Variants in SUFU observed in about 807,000 individuals in gnomAD.
The protein encoded by SUFU is SUFU negative regulator of hedgehog signaling.
Under a neutral mutation model 58.9 loss-of-function variants are expected in SUFU, and 7 were observed. The observed-to-expected ratio is 0.12, with a 90% CI of 0.07 to 0.22. SUFU has a LOEUF of 0.22. Among genes scored for constraint, SUFU ranks in the 10% least tolerant of loss-of-function variants. The pLI is 1.00. For synonymous variants in SUFU, 232 were observed against 254.8 expected (o/e 0.91, Z 0.85); for missense variants, 451 against 641.3 (o/e 0.70, Z 3.20).
intron 2 of SUFU, among the ~76,000 whole-genome samples, chr10:102,516,123 T>C (rs976331728): frequency 4.9e-5 from 4 of 81,234 alleles, no homozygotes; most frequent in Non-Finnish European, 9.7e-5. Context: ...TTTCTTTCTT[T>C]TCTTTTTTTT....
At chr10:102,545,182 C>T (rs1466882911) in intron 2 of SUFU, among the ~76,000 whole-genome samples, 1 of 151,750 alleles carries the variant, frequency 6.6e-6, no homozygotes, top group Non-Finnish European at 1.5e-5. Flanking sequence ...CATCAAGGCT[C>T]ACTGCTGCCT....
At chr10:102,566,990 G>GA (rs1237994267) in intron 3 of SUFU, among the ~76,000 whole-genome samples, 7 of 123,050 alleles carry the variant, frequency 5.7e-5, no homozygotes, top group Non-Finnish European at 8.5e-5. Flanking sequence ...CATTGCAAAA[G>GA]AAAAGGAAAC....
chr10:102,604,073 G>T (rs1411007926), intron 8 of SUFU, among the ~76,000 whole-genome samples: 1 of 152,214 alleles, frequency 6.6e-6, no homozygotes, highest in African/African-American at 2.4e-5. Context: ...TCCTGTCAGC[G>T]CAGTGGCCAG....
At chr10:102,620,961 G>A (rs980202787) in intron 10 of SUFU, among the ~76,000 whole-genome samples, 1 of 152,222 alleles carries the variant, frequency 6.6e-6, no homozygotes, top group Non-Finnish European at 1.5e-5. Context: ...GTGTCTGACA[G>A]CTCACCCAGG....
At chr10:102,506,370 C>T (rs1277655053) in intron 1 of SUFU, among the ~76,000 whole-genome samples, 1 of 152,038 alleles carries the variant, frequency 6.6e-6, no homozygotes. Flanking sequence ...AGAAACAGCA[C>T]AGTGACTGGT....
rs1354738269 is a variant in SUFU at position 102,617,827 on chromosome 10, A to G, written c.1296+399A>G. 2.2e-6 allele frequency: 1 copy of G among 450,184 alleles called. No individual in the cohort carries two copies. The highest frequency in any genetic ancestry group is 3.9e-6 in the Non-Finnish European group (1 of 255,966). The allele number at this position is 450,184 out of a possible 1,614,324, so 27.9% of individuals were successfully genotyped here. A position where few individuals can be genotyped will look rare whatever the true frequency, so the allele number is the denominator to read the frequency against. ...GCCACTCTCCAATGGCTACATGGAA[A>G]TCCCACCAGAATTCAGACAGTGGCA... On this transcript the variant is annotated intron_variant, in intron 10 of 11. Transcript: ENST00000369902. This position sits in a 1 kb window ranked among gnomAD's most constrained non-coding sequence, Gnocchi z 4.4.
chr10:102,504,602 C>G (rs1399740222), intron 1 of SUFU, among the ~76,000 whole-genome samples: 1 of 139,072 alleles, frequency 7.2e-6, no homozygotes, highest in African/African-American at 2.8e-5. Context: ...GAGGGGGGAA[C>G]GGCAGGAGCG....
intron 2 of SUFU, among the ~76,000 whole-genome samples, chr10:102,532,442 A>G (rs2062687736): frequency 6.6e-6 from 1 of 152,210 alleles, no homozygotes; most frequent in African/African-American, 2.4e-5. Flanking sequence ...GAGTCCAGGA[A>G]TAGCTCATCT....
chr10:102,622,508 C>T (rs542909933), intron 10 of SUFU, among the ~76,000 whole-genome samples: 3 of 152,030 alleles, frequency 2.0e-5, no homozygotes, highest in Non-Finnish European at 2.9e-5. Flanking sequence ...TTTGGGAGGC[C>T]GAGGCGGGCG....
chr10:102,504,552 T>G (rs1417456025), intron 1 of SUFU, among the ~76,000 whole-genome samples: 2 of 146,388 alleles, frequency 1.4e-5, no homozygotes, highest in Admixed American at 6.9e-5. Context: ...TAACCGGGAT[T>G]AGGAGAATAG....
intron 3 of SUFU, among the ~76,000 whole-genome samples, chr10:102,558,971 A>C (rs984393029): frequency 6.6e-6 from 1 of 152,244 alleles, no homozygotes; most frequent in Admixed American, 6.5e-5. Flanking sequence ...GAGGAGGGGC[A>C]ATTCCAGGGT....
Position 102,617,097 on chromosome 10 carries a change from C to G in SUFU, c.1158-193C>G, listed in dbSNP as rs1473411487. 6.6e-6 allele frequency among the ~76,000 whole-genome samples: 1 copy of G among 152,222 alleles called. No individual in the cohort carries two copies. The highest frequency in any genetic ancestry group is 6.5e-5 in the Admixed American group (1 of 15,294). ...GATGTTAGAGAACTTGTGAGAGGAG[C>G]TTCTCTTTGAAGGTGTTGAAATGAG... is the stretch of plus-strand genomic sequence containing the variant. On this transcript the variant is annotated intron_variant, in intron 9 of 11. Transcript: ENST00000369902. This position sits in a 1 kb window ranked among gnomAD's most constrained non-coding sequence, Gnocchi z 4.4.
intron 6 of SUFU, among the ~76,000 whole-genome samples, chr10:102,596,904 T>A (rs1170345177): frequency 6.6e-6 from 1 of 152,056 alleles, no homozygotes; most frequent in Non-Finnish European, 1.5e-5. Context: ...GGATTTGCAT[T>A]CCTCCTGGCT....
intron 10 of SUFU, chr10:102,618,048 G>C (rs376958669): frequency 1.1e-4 from 18 of 158,546 alleles, no homozygotes; most frequent in Middle Eastern, 3.0e-3. Context: ...AGGGTACCAG[G>C]GCCTCAGAGC....
intron 3 of SUFU, among the ~76,000 whole-genome samples, chr10:102,578,188 A>G (rs12357886): frequency 0.45 from 66,987 of 148,584 alleles, 15,494 homozygotes; most frequent in East Asian, 0.67. Context: ...GGCGCTTGTA[A>G]TCCCAGCTAC....
chr10:102,555,040 G>A (rs545371745), intron 3 of SUFU, among the ~76,000 whole-genome samples: 132 of 152,144 alleles, frequency 8.7e-4, no homozygotes, highest in Admixed American at 3.0e-3. Flanking sequence ...AGGCCGAGGC[G>A]GGCGAATCAC....
At chr10:102,533,137 T>C (rs2062695091) in intron 2 of SUFU, among the ~76,000 whole-genome samples, 1 of 152,156 alleles carries the variant, frequency 6.6e-6, no homozygotes, top group Non-Finnish European at 1.5e-5. Flanking sequence ...GGATAACTCT[T>C]GGGATTCTGG....
intron 2 of SUFU, among the ~76,000 whole-genome samples, chr10:102,510,145 G>A (rs1000347341): frequency 1.2e-4 from 18 of 150,264 alleles, no homozygotes; most frequent in African/African-American, 3.9e-4. Flanking sequence ...CCAACTCAGA[G>A]TTCATACTGT....
chr10:102,542,978 TC>T (rs2062819966), intron 2 of SUFU, among the ~76,000 whole-genome samples: 7 of 152,244 alleles, frequency 4.6e-5, no homozygotes, highest in Admixed American at 4.6e-4. Flanking sequence ...AGTTCTTCAT[TC>T]TTTCTTACAG....
Sources: gnomAD v4.1 joint callset for allele counts (sites outside exome capture counted in the v4.1 genomes callset) on GRCh38, gnomAD v4.1.1 for gene constraint, Gnocchi (gnomAD v3.1) non-coding constraint, MANE v1.5 for transcripts, NCBI Gene and HGNC (gene_info 2026-07-23, HGNC 2026-07-21) for gene names.